Variants in TOP3A observed in about 807,000 individuals in gnomAD.
The protein encoded by TOP3A is DNA topoisomerase 3-alpha.
Under a neutral mutation model 111.3 loss-of-function variants are expected in TOP3A, and 64 were observed. The observed-to-expected ratio is 0.57, with a 90% confidence interval of 0.47 to 0.71. TOP3A has a LOEUF of 0.71. Ranked by LOEUF, TOP3A falls within the 30% of genes least tolerant of loss-of-function variation. The probability of loss-of-function intolerance (pLI) is 0.00; values close to 1 mark genes in which losing one functional copy is unlikely to be tolerated. For missense variants in TOP3A, 1,104 were observed against 1,285.0 expected (o/e 0.86, Z 2.15); for synonymous variants, 484 against 485.1 (o/e 1.00, Z 0.03).
intron 17 of TOP3A, 41 bp from the exon 18 acceptor site, chr17:18,278,398 A>T: frequency 6.7e-7 from 1 of 1,485,794 alleles, no homozygotes; most frequent in African/African-American, 1.4e-5. Context: ...TAACAACCAG[A>T]TGCCAGCTTC....
chr17:18,278,264 C>CG lies in TOP3A; in HGVS notation c.2237_2238insC (p.Glu746AspfsTer15). ...CCCCTGAAAATCTCAGGTCCAGGAT[C>CG]TCCCTCAGGGTGTCGTCGCATCCGC... On this transcript the variant is annotated frameshift_variant, in exon 18 of 19. Transcript: ENST00000321105. LOFTEE classifies it high-confidence loss of function. 6.4e-7 allele frequency: 1 copy of CG among 1,563,064 alleles called. No individual in the cohort carries two copies. Among genetic ancestry groups the CG allele is most frequent in the South Asian group, 1.2e-5 (1 of 82,700 alleles).
At chr17:18,311,457 C>G (rs1981908127) in intron 1 of TOP3A, among the ~76,000 whole-genome samples, 1 of 152,158 alleles carries the variant, frequency 6.6e-6, no homozygotes, top group Non-Finnish European at 1.5e-5. Context: ...CCACACCTGG[C>G]TAATTTTTGT....
intron 16 of TOP3A, among the ~76,000 whole-genome samples, chr17:18,282,366 G>C (rs1307463538): frequency 6.6e-6 from 1 of 152,158 alleles, no homozygotes; most frequent in Admixed American, 6.5e-5. Flanking sequence ...CTTATATGCG[G>C]CATAAGTGGC....
At chr17:18,296,032 C>T (rs1980781461) in intron 9 of TOP3A, among the ~76,000 whole-genome samples, 1 of 152,140 alleles carries the variant, frequency 6.6e-6, no homozygotes, top group South Asian at 2.1e-4. Flanking sequence ...TCCCAAAGTG[C>T]TGAGATTACA....
rs1206852664 is a variant in TOP3A at position 18,282,810 on chromosome 17, TC to T, written c.1908del (p.Asn637MetfsTer80). On this transcript the variant is annotated frameshift_variant, in exon 16 of 19. Coordinates refer to ENST00000321105, the MANE Select transcript of TOP3A (RefSeq NM_004618.5). LOFTEE classifies it high-confidence loss of function. ...TCTTGCTGGGCCAACTCTGTCCCAT[TC>T]CCAAAGTACTGGGCCAAGGCCTCGT... ...KLDEALAQYF[G>X]NGTELAQQED... 1.2e-6 allele frequency: 2 copies of T among 1,614,018 alleles called. No homozygotes were observed. The highest frequency in any genetic ancestry group is 3.3e-5 in the Admixed American group (2 of 59,996).
At chr17:18,294,486 C>T (rs556653282) in intron 10 of TOP3A, among the ~76,000 whole-genome samples, 6 of 152,188 alleles carry the variant, frequency 3.9e-5, no homozygotes, top group East Asian at 1.9e-4. Flanking sequence ...CACGCCACCA[C>T]GTCCAGCTAA....
At chr17:18,297,432 G>C (rs1262024568) in intron 9 of TOP3A, among the ~76,000 whole-genome samples, 2 of 87,012 alleles carry the variant, frequency 2.3e-5, no homozygotes, top group African/African-American at 1.2e-4. Flanking sequence ...CCCTGTCCCT[G>C]TCCCTGTCCC....
At chr17:18,302,179 T>C in intron 7 of TOP3A, 85 bp downstream of exon 7, 2 of 1,482,884 alleles carry the variant, frequency 1.3e-6, no homozygotes, top group Non-Finnish European at 1.8e-6. Context: ...AATCACATCT[T>C]TATTAGTGCT....
At chr17:18,285,567 C>T in intron 13 of TOP3A, 47 bp from the exon 14 acceptor site, 1 of 1,568,132 alleles carries the variant, frequency 6.4e-7, no homozygotes, top group Non-Finnish European at 8.7e-7. Flanking sequence ...GACAACAGCT[C>T]CACCCGGGTG....
At chr17:18,294,888 A>T (rs1980699367) in intron 9 of TOP3A, 103 bp from the exon 10 acceptor site, 2 of 755,630 alleles carry the variant, frequency 2.6e-6, no homozygotes, top group Non-Finnish European at 4.6e-6. Context: ...GTGTCACTCC[A>T]GGTGCTTCTG....
chr17:18,285,130 T>G lies in TOP3A; in HGVS notation c.1877+12A>C. ...ATAGTGAGACCCCTCTGTATTTCTT[T>G]TAAGGACTTACTTCTTTGCTTTAGC... On this transcript the variant is annotated intron_variant, in intron 15 of 18. Coordinates refer to ENST00000321105, the MANE Select transcript of TOP3A (RefSeq NM_004618.5). 2 of 1,612,556 alleles carry G rather than the reference T, an allele frequency of 1.2e-6. No individual in the cohort carries two copies. The highest frequency in any genetic ancestry group is 1.7e-6 in the Non-Finnish European group (2 of 1,179,956).
chr17:18,277,696 C>T lies in TOP3A; in HGVS notation c.2806G>A (p.Val936Ile). ...TCACCTGGAGCGGTGTTCTCATCGA[C>T]CCACTGGAAAAAGCCACACTGCTGC... ...REQQCGFFQW[V>I]DENTAPGTSG... Residue 936 changes from valine to isoleucine, a missense_variant, in exon 18 of 19, where the codon GTC (valine) becomes ATC (isoleucine). Val to Ile is a conservative substitution (Grantham distance 29). Transcript: ENST00000321105. 1 of 1,610,528 alleles carries T rather than the reference C, an allele frequency of 6.2e-7. No individual in the cohort carries two copies. The highest frequency in any genetic ancestry group is 8.5e-7 in the Non-Finnish European group (1 of 1,177,056).
chr17:18,297,668 G>A lies in TOP3A; in HGVS notation c.990+1891C>T, dbSNP rs1323163790. 6.6e-5 allele frequency among the ~76,000 whole-genome samples: 10 copies of A among 152,138 alleles called. No individual in the cohort carries two copies. In the East Asian group the frequency reaches 9.6e-4, roughly 15 times the overall value. The stretch of plus-strand genomic sequence containing the variant: ...TCCAGCTCCTAACCGCTAGTGATCC[G>A]CCAGCCTCGGCATCCTGAGGTGCCG... On this transcript the variant is annotated intron_variant, in intron 9 of 18. Transcript: ENST00000321105.
At chr17:18,308,799 C>G (rs1981740828) in intron 2 of TOP3A, 83 bp downstream of exon 2, 5 of 867,112 alleles carry the variant, frequency 5.8e-6, no homozygotes, top group Non-Finnish European at 8.8e-6. Context: ...ATTCTTAAGA[C>G]AGCGACATAT....
chr17:18,278,093 C>T lies in TOP3A; in HGVS notation c.2409G>A (p.Thr803=), dbSNP rs534128074. The change falls in exon 18 of 19, where the codon ACG becomes ACA. Residue 803 remains threonine (T), a synonymous_variant. Coordinates refer to ENST00000321105, the MANE Select transcript of TOP3A (RefSeq NM_004618.5). ...KALAQTLPPP[T]AAGESNSVTC... ...TCACAGAATTGCTTTCACCAGCAGC[C>T]GTGGGTGGTGGGAGGGTCTGGGCCA... 94 of 1,614,198 alleles carry T rather than the reference C, an allele frequency of 5.8e-5. No individual in the cohort carries two copies. The highest frequency in any genetic ancestry group is 7.1e-5 in the Non-Finnish European group (84 of 1,180,034).
rs886434547 is a variant in TOP3A at position 18,314,933 on chromosome 17, G to T, written c.-155C>A. ...TGGCCTTTGGAGCTTCAGTCACTGA[G>T]CCTTTCCCGTGCCGCAGCCGCCGCC... is the stretch of plus-strand genomic sequence containing the variant. On this transcript the variant is annotated 5_prime_UTR_variant, in exon 1 of 19. Transcript: ENST00000321105. The T allele has an allele frequency of 3.6e-6, 1 of 277,372 alleles. No homozygotes were observed. Among genetic ancestry groups the T allele is most frequent in the Admixed American group, 5.4e-5 (1 of 18,404 alleles). The allele number at this position is 277,372 out of a possible 1,614,324, so 17.2% of individuals were successfully genotyped here.
At chr17:18,290,464 T>G (rs1336877992) in intron 13 of TOP3A, 93 bp downstream of exon 13, 3 of 1,337,254 alleles carry the variant, frequency 2.2e-6, no homozygotes, top group East Asian at 2.6e-5. Context: ...AGCAGCTGCA[T>G]TAGAGAATGG....
chr17:18,289,699 C>T (rs1025858087), intron 13 of TOP3A, among the ~76,000 whole-genome samples: 1 of 152,228 alleles, frequency 6.6e-6, no homozygotes, highest in South Asian at 2.1e-4. Flanking sequence ...AGCCTTCATA[C>T]ATTTTTATCA....
intron 4 of TOP3A, chr17:18,306,596 G>A (rs897391948): frequency 3.9e-6 from 1 of 255,742 alleles, no homozygotes; most frequent in Non-Finnish European, 7.6e-6. Context: ...TCAAATTCCT[G>A]GAGTTCATGT....
Sources: allele counts gnomAD v4.1 joint callset (sites outside exome capture counted in the v4.1 genomes callset), GRCh38; gene constraint gnomAD v4.1.1; transcripts MANE v1.5; gene names NCBI Gene and HGNC (gene_info 2026-07-23, HGNC 2026-07-21).